The following KCNG3 variants were observed in gnomAD, a reference collection of about 807,000 sequenced individuals.
KCNG3 encodes the protein voltage-gated potassium channel regulatory subunit KCNG3.
A neutral mutation model predicts 29.0 loss-of-function variants in KCNG3; 15 were observed. The observed-to-expected ratio is 0.52, with a 90% confidence interval of 0.35 to 0.80. The LOEUF is 0.80. Ranked by LOEUF, KCNG3 falls within the 30% of genes least tolerant of loss-of-function variation. The pLI is 0.01. For missense variants in KCNG3, 512 were observed against 605.7 expected, an observed-to-expected ratio of 0.85 and a Z score of 1.62; for synonymous variants, 322 against 248.9, an observed-to-expected ratio of 1.29 and a Z score of -2.76.
intron 1 of KCNG3, among the ~76,000 whole-genome samples, chr2:42,466,753 C>CCTTTTT (rs1553329191): frequency 1.5e-5 from 2 of 134,270 alleles, no homozygotes; most frequent in African/African-American, 2.7e-5. Context: ...AATACTCTTC[C>CCTTTTT]TTTTTTTTTT....
At chr2:42,393,148 A>AATTAACTTAGTACAT in the KCNG3 span, among the ~76,000 whole-genome samples, 1 of 152,164 alleles carries the variant, frequency 6.6e-6, no homozygotes, top group East Asian at 1.9e-4. Flanking sequence ...GTAGTAAGAG[A>AATTAACTTAGTACAT]ATTAACTTAG....
At chr2:42,488,877 G>C (rs1308295758) in intron 1 of KCNG3, among the ~76,000 whole-genome samples, 1 of 151,212 alleles carries the variant, frequency 6.6e-6, no homozygotes, top group Non-Finnish European at 1.5e-5. Flanking sequence ...TTATACAATA[G>C]AAGATATAGT....
At chr2:42,407,588 T>A in the KCNG3 span, among the ~76,000 whole-genome samples, 2,053 of 152,210 alleles carry the variant, frequency 0.013, 38 homozygotes, top group African/African-American at 0.046. Flanking sequence ...GCCATCCAAG[T>A]CATGGCTGTG....
intron 1 of KCNG3, among the ~76,000 whole-genome samples, chr2:42,480,535 A>T (rs1399782540): frequency 6.6e-6 from 1 of 152,210 alleles, no homozygotes; most frequent in Admixed American, 6.5e-5. Flanking sequence ...TGCCATAAAC[A>T]ATATGTAAAA....
intron 1 of KCNG3, among the ~76,000 whole-genome samples, chr2:42,480,414 C>G (rs114043446): frequency 0.014 from 2,117 of 152,250 alleles, 36 homozygotes; most frequent in African/African-American, 0.048. Context: ...CATTCTAAAT[C>G]AGGGGTTGGC....
chr2:42,401,384 C>A, the KCNG3 span, among the ~76,000 whole-genome samples: 1 of 150,152 alleles, frequency 6.7e-6, no homozygotes, highest in African/African-American at 2.4e-5. Flanking sequence ...GAGAAAGGAG[C>A]TGAAATATTT....
In KCNG3 at chr2:42,493,386, T is replaced by A. The variant is rs1383468836; in HGVS notation, c.116A>T (p.His39Leu). 2.0e-6 allele frequency: 3 copies of A among 1,536,448 alleles called. No individual in the cohort carries two copies. The highest frequency in any genetic ancestry group is 2.6e-6 in the Non-Finnish European group (3 of 1,142,564). ...CACGTCGCGCTCGGAGCGGCAGCCG[T>A]GCAGCCGGCTCACGCGGCGCAGCGG... Reference protein sequence around the residue: ...DFPLRRVSRLHGCRSERDVLE... With the variant: ...DFPLRRVSRLLGCRSERDVLE... The change falls in exon 1 of 2, where the codon CAC (histidine) becomes CTC (leucine). Residue 39 changes from histidine to leucine, a missense_variant. Transcript: ENST00000306078.
intron 1 of KCNG3, among the ~76,000 whole-genome samples, chr2:42,472,692 G>A (rs1042455775): frequency 2.0e-5 from 3 of 151,246 alleles, no homozygotes; most frequent in Admixed American, 1.3e-4. Context: ...TAAAGACAGG[G>A]TTTCACCACG....
At chr2:42,404,841 G>C in the KCNG3 span, among the ~76,000 whole-genome samples, 1 of 152,122 alleles carries the variant, frequency 6.6e-6, no homozygotes, top group Non-Finnish European at 1.5e-5. Flanking sequence ...GGGTCACAAA[G>C]CCATGGTTAA....
At chr2:42,492,327 T>C (rs1159880101) in intron 1 of KCNG3, among the ~76,000 whole-genome samples, 1 of 152,116 alleles carries the variant, frequency 6.6e-6, no homozygotes, top group Non-Finnish European at 1.5e-5. Context: ...TAACCTGCTT[T>C]ATAATATAAC....
the KCNG3 span, among the ~76,000 whole-genome samples, chr2:42,425,837 C>A: frequency 6.6e-6 from 1 of 152,192 alleles, no homozygotes; most frequent in South Asian, 2.1e-4. Context: ...CACCTTTGTG[C>A]TTCATTCACC....
At chr2:42,480,356 G>C (rs567091063) in intron 1 of KCNG3, among the ~76,000 whole-genome samples, 1 of 152,258 alleles carries the variant, frequency 6.6e-6, no homozygotes, top group South Asian at 2.1e-4. Flanking sequence ...CTGAGGTCCT[G>C]TAGCTAGACA....
At chr2:42,401,544 C>T in the KCNG3 span, among the ~76,000 whole-genome samples, 1 of 151,974 alleles carries the variant, frequency 6.6e-6, no homozygotes, top group Admixed American at 6.6e-5. Context: ...TGGGCTCAAG[C>T]GATACTCCTA....
chr2:42,469,095 T>C (rs1673218960), intron 1 of KCNG3, among the ~76,000 whole-genome samples: 1 of 151,612 alleles, frequency 6.6e-6, no homozygotes, highest in East Asian at 2.0e-4. Context: ...ATTTCAGTAA[T>C]TAAGACAGTA....
rs58772047 is a variant in KCNG3, at chr2:42,464,864, G to A, written c.666-20285C>T. ...ACGTGTAGTGGTTGTAAATTCAGCC[G>A]TCTGTCTCTCCAGCTAGGAAGCAAG... On this transcript the variant is annotated intron_variant, in intron 1 of 1. Transcript: ENST00000306078. 3.0e-3 allele frequency among the ~76,000 whole-genome samples: 456 copies of A among 152,220 alleles called. 2 individuals are homozygous for A. Among genetic ancestry groups the A allele is most frequent in the African/African-American group, 9.7e-3 (403 of 41,532 alleles).
At chr2:42,491,745 C>G (rs1017494034) in intron 1 of KCNG3, among the ~76,000 whole-genome samples, 9 of 152,190 alleles carry the variant, frequency 5.9e-5, no homozygotes, top group African/African-American at 2.2e-4. Context: ...AAAATCCTTA[C>G]TCCCTACAGG....
the KCNG3 span, among the ~76,000 whole-genome samples, chr2:42,434,424 A>G: frequency 1.5e-5 from 2 of 129,620 alleles, no homozygotes; most frequent in African/African-American, 5.8e-5. Context: ...AGAGCACTGC[A>G]CTCCAGCCTG....
At chr2:42,418,298 A>G in the KCNG3 span, among the ~76,000 whole-genome samples, 1 of 152,200 alleles carries the variant, frequency 6.6e-6, no homozygotes, top group East Asian at 1.9e-4. Flanking sequence ...TTTAAGGTTA[A>G]TATTCCATTG....
chr2:42,403,386 TCCCA>T, the KCNG3 span, among the ~76,000 whole-genome samples: 1 of 151,842 alleles, frequency 6.6e-6, no homozygotes, highest in Non-Finnish European at 1.5e-5. Context: ...CAAGGGTTCC[TCCCA>T]CCTTGGCCTC....
Sources: gnomAD v4.1 joint callset for allele counts (sites outside exome capture counted in the v4.1 genomes callset) on GRCh38, gnomAD v4.1.1 for gene constraint, MANE v1.5 for transcripts, NCBI Gene and HGNC (gene_info 2026-07-23, HGNC 2026-07-21) for gene names.